COL5A2: variants seen among roughly 807,000 people sequenced by gnomAD.
The protein encoded by COL5A2 is collagen alpha-2(V) chain.
In COL5A2, 23 loss-of-function variants were observed where a neutral mutation model predicts 208.2. The observed-to-expected ratio is 0.11, with a 90% CI of 0.08 to 0.16. The LOEUF is 0.16. COL5A2 is among the 10% of genes least tolerant of loss of function. COL5A2 has a pLI of 1.00. For missense variants in COL5A2, 1,590 were observed against 1,956.4 expected, an observed-to-expected ratio of 0.81 and a Z score of 3.53; for synonymous variants, 625 against 628.5, an observed-to-expected ratio of 0.99 and a Z score of 0.08.
chr2:189,068,753 C>T (rs1164212313), intron 19 of COL5A2, 33 bp downstream of exon 19: 3 of 1,436,844 alleles, frequency 2.1e-6, no homozygotes, highest in Non-Finnish European at 2.9e-6. Flanking sequence ...GTCCAGCTTT[C>T]TGGGCTGGTT....
chr2:189,200,587 C>T (rs1377589316), intron 1 of COL5A2, among the ~76,000 whole-genome samples: 4 of 143,842 alleles, frequency 2.8e-5, no homozygotes, highest in Non-Finnish European at 4.6e-5. Flanking sequence ...AGATAATGAC[C>T]AAGAGTTTTC....
intron 1 of COL5A2, among the ~76,000 whole-genome samples, chr2:189,112,759 T>C (rs951593230): frequency 2.0e-5 from 3 of 152,212 alleles, no homozygotes; most frequent in Admixed American, 6.5e-5. Context: ...ATAGAAATTA[T>C]GTTTTAATAT....
the COL5A2 span, among the ~76,000 whole-genome samples, chr2:189,284,800 C>T: frequency 6.6e-6 from 1 of 152,064 alleles, no homozygotes; most frequent in Non-Finnish European, 1.5e-5. Flanking sequence ...GATAGTATAG[C>T]CTACTACACG....
At chr2:189,390,716 G>T in the COL5A2 span, among the ~76,000 whole-genome samples, 1 of 152,200 alleles carries the variant, frequency 6.6e-6, no homozygotes, top group Non-Finnish European at 1.5e-5. Context: ...GTTGTTAAAA[G>T]ATATTAGTAA....
At chr2:189,395,721 T>C in the COL5A2 span, among the ~76,000 whole-genome samples, 7 of 151,382 alleles carry the variant, frequency 4.6e-5, no homozygotes, top group Non-Finnish European at 8.8e-5. Flanking sequence ...CTGGCCAATA[T>C]GGTGAAACCC....
chr2:189,040,659 T>C (rs1452194047), intron 50 of COL5A2, among the ~76,000 whole-genome samples: 2 of 144,518 alleles, frequency 1.4e-5, no homozygotes, highest in African/African-American at 5.2e-5. Context: ...TGTTACATAA[T>C]TTTTTTTTCT....
chr2:189,420,149 A>C, the COL5A2 span, among the ~76,000 whole-genome samples: 1 of 152,196 alleles, frequency 6.6e-6, no homozygotes, highest in Non-Finnish European at 1.5e-5. Context: ...AACAGATATT[A>C]GAAATTCTCA....
At chr2:189,312,363 C>T in the COL5A2 span, among the ~76,000 whole-genome samples, 1 of 152,106 alleles carries the variant, frequency 6.6e-6, no homozygotes, top group Non-Finnish European at 1.5e-5. Flanking sequence ...GCCCCCGGAT[C>T]CCACGCCGCC....
the COL5A2 span, among the ~76,000 whole-genome samples, chr2:189,262,078 C>T: frequency 2.6e-5 from 4 of 152,098 alleles, no homozygotes; most frequent in African/African-American, 7.2e-5. Context: ...TAATGAGCTA[C>T]AAATTCAAAA....
At chr2:189,316,203 T>A in the COL5A2 span, among the ~76,000 whole-genome samples, 1 of 152,080 alleles carries the variant, frequency 6.6e-6, no homozygotes, top group Non-Finnish European at 1.5e-5. Context: ...AGATATAGAA[T>A]CAACCTTAAT....
Position 189,035,164 on chromosome 2 carries a change from A to G in COL5A2, c.4114-9T>C, listed in dbSNP as rs1685418993. ...TGGTCTCCATAAGCGAACTAGAAAA[A>G]CAAAGAGTCTTTGTCATACACAAGA... On this transcript the variant is annotated splice_polypyrimidine_tract_variant and intron_variant, in intron 52 of 53. Transcript: ENST00000374866. The G allele has an allele frequency of 6.2e-7, 1 of 1,613,832 alleles. No homozygotes were observed.
the COL5A2 span, among the ~76,000 whole-genome samples, chr2:189,256,958 A>G: frequency 6.6e-6 from 1 of 152,138 alleles, no homozygotes; most frequent in Non-Finnish European, 1.5e-5. Context: ...CCTGCATAGT[A>G]TTCCCTTTTT....
At chr2:189,134,263 C>A (rs904659479) in intron 1 of COL5A2, among the ~76,000 whole-genome samples, 2 of 152,050 alleles carry the variant, frequency 1.3e-5, no homozygotes, top group African/African-American at 4.8e-5. Context: ...TAAATATAAC[C>A]TTTTGGCAAT....
upstream of COL5A2, among the ~76,000 whole-genome samples, chr2:189,182,091 G>T (rs1688788824): frequency 6.6e-6 from 1 of 152,108 alleles, no homozygotes; most frequent in African/African-American, 2.4e-5. Flanking sequence ...TTACAATTTG[G>T]AAAAGACTAA....
the COL5A2 span, among the ~76,000 whole-genome samples, chr2:189,291,710 T>C: frequency 6.6e-6 from 1 of 152,118 alleles, no homozygotes; most frequent in South Asian, 2.1e-4. Context: ...CATCACAGCT[T>C]GAATTTTTAT....
intron 17 of COL5A2, among the ~76,000 whole-genome samples, chr2:189,074,730 G>C (rs577561365): frequency 6.6e-6 from 1 of 152,148 alleles, no homozygotes; most frequent in Admixed American, 6.5e-5. Context: ...AAATCTACTG[G>C]GCCATGCCCA....
chr2:189,366,320 G>A, the COL5A2 span, among the ~76,000 whole-genome samples: 1 of 152,142 alleles, frequency 6.6e-6, no homozygotes, highest in South Asian at 2.1e-4. Context: ...ATTATTATCT[G>A]TAGCAGTGGT....
chr2:189,421,750 T>TGGCCTTG, the COL5A2 span, among the ~76,000 whole-genome samples: 2 of 152,180 alleles, frequency 1.3e-5, no homozygotes, highest in African/African-American at 4.8e-5. Flanking sequence ...CCATCTACAG[T>TGGCCTTG]GGCCTTGGGC....
At chr2:189,413,568 CA>C in the COL5A2 span, among the ~76,000 whole-genome samples, 1 of 151,922 alleles carries the variant, frequency 6.6e-6, no homozygotes, top group African/African-American at 2.4e-5. Context: ...ACAAGGAAAA[CA>C]AAAGAAATTT....
Sources: allele counts gnomAD v4.1 joint callset (sites outside exome capture counted in the v4.1 genomes callset), GRCh38; gene constraint gnomAD v4.1.1; transcripts MANE v1.5; gene names NCBI Gene and HGNC (gene_info 2026-07-23, HGNC 2026-07-21).